The following SFSWAP variants were observed in gnomAD, a reference collection of about 807,000 sequenced individuals.
SFSWAP encodes splicing factor, suppressor of white-apricot homolog.
Under a neutral mutation model 100.7 loss-of-function variants are expected in SFSWAP, and 17 were observed. The ratio of observed to expected loss-of-function variants is 0.17; its 90% CI spans 0.12 to 0.25. The LOEUF (loss-of-function observed/expected upper bound fraction) is 0.25. Ranked by LOEUF, SFSWAP falls within the 10% of genes least tolerant of loss-of-function variation. The pLI, the probability that SFSWAP is intolerant of heterozygous loss-of-function variation, is 1.00. For synonymous variants in SFSWAP, 504 were observed against 510.1 expected (o/e 0.99, Z 0.16); for missense variants, 1,005 against 1,262.6 (o/e 0.80, Z 3.09).
chr12:131,714,730 A>G lies in SFSWAP; in HGVS notation c.389-92A>G, dbSNP rs1162920917. On this transcript the variant is annotated intron_variant, in intron 2 of 17. Coordinates refer to ENST00000261674, the MANE Select transcript of SFSWAP (RefSeq NM_004592.4). The surrounding 1 kb of genome is among the most constrained non-coding windows in gnomAD (Gnocchi z 6.0). ...AAGTAGGTTGAAAAAAGTATGTTGT[A>G]TGCTTTACTGATAGCTACAACTTTA... is the stretch of plus-strand genomic sequence containing the variant. 4.2e-6 allele frequency: 5 copies of G among 1,181,442 alleles called. No homozygotes were observed. The highest frequency in any genetic ancestry group is 4.9e-6 in the Non-Finnish European group (4 of 819,456). 73.2% of individuals were successfully genotyped at this position (1,181,442 alleles called of 1,614,324 possible).
chr12:131,754,624 TG>T, intron 9 of SFSWAP, 125 bp downstream of exon 9: 4 of 355,364 alleles, frequency 1.1e-5, no homozygotes, highest in East Asian at 7.1e-5. Flanking sequence ...TTGGCTCAAA[TG>T]TCTTTTTTTT....
Position 131,730,086 on chromosome 12 carries a change from GTTCAA to G in SFSWAP, c.1081+1660_1081+1664del. On this transcript the variant is annotated intron_variant, in intron 7 of 17. Transcript: ENST00000261674. The surrounding 1 kb of genome is among the most constrained non-coding windows in gnomAD (Gnocchi z 4.0). ...CAGCTCTACTGCTACAGAGGTGCGT[GTTCAA>G]TAGTGTAGGCAGCCAGCTGTCTGAG... 6.6e-6 allele frequency among the ~76,000 whole-genome samples: 1 copy of G among 152,318 alleles called. No individual in the cohort carries two copies. The highest frequency in any genetic ancestry group is 2.1e-4 in the South Asian group (1 of 4,822).
At position 131,799,115 on chromosome 12, in the gene SFSWAP, T is replaced by C; in HGVS notation, c.2790+6T>C. On this transcript the variant is annotated splice_donor_region_variant and intron_variant, in intron 17 of 17. Coordinates refer to ENST00000261674, the MANE Select transcript of SFSWAP (RefSeq NM_004592.4). The stretch of plus-strand genomic sequence containing the variant: ...TGCAGAGCAAAATCACTCAGGTCAG[T>C]GGGCACGCCCCCCTCCCGCTCCCAG... The C allele has an allele frequency of 6.2e-7, 1 of 1,611,090 alleles. No individual in the cohort carries two copies. The highest frequency in any genetic ancestry group is 8.5e-7 in the Non-Finnish European group (1 of 1,177,166).
chr12:131,730,873 C>T lies in SFSWAP; in HGVS notation c.1081+2445C>T, dbSNP rs1879436220. Reference sequence around the variant, plus strand: ...TTTGAAACTCATCGTCTCCCCTCGACACAGCAAGAGTAGTGGATACACACA... The same window carrying T: ...TTTGAAACTCATCGTCTCCCCTCGATACAGCAAGAGTAGTGGATACACACA... On this transcript the variant is annotated intron_variant, in intron 7 of 17. Transcript: ENST00000261674. The surrounding 1 kb of genome is among the most constrained non-coding windows in gnomAD (Gnocchi z 4.0). 6.6e-6 allele frequency among the ~76,000 whole-genome samples: 1 copy of T among 152,182 alleles called. No individual in the cohort carries two copies. Among genetic ancestry groups the T allele is most frequent in the African/African-American group, 2.4e-5 (1 of 41,458 alleles).
rs572957769 is a variant in SFSWAP at position 131,794,844 on chromosome 12, C to T, written c.2535-2334C>T. ...TTTAAAAAAAAATGAATGAGTTGCT[C>T]CATTCCTTCAGCAAGGGCTTAGATC... On this transcript the variant is annotated intron_variant, in intron 15 of 17. Transcript: ENST00000261674. The surrounding 1 kb of genome is among the most constrained non-coding windows in gnomAD (Gnocchi z 4.8). 6.6e-6 allele frequency among the ~76,000 whole-genome samples: 1 copy of T among 152,184 alleles called. No homozygotes were observed. The highest frequency in any genetic ancestry group is 2.4e-5 in the African/African-American group (1 of 41,450).
chr12:131,762,411 A>C (rs900727788), intron 11 of SFSWAP, among the ~76,000 whole-genome samples: 1 of 151,956 alleles, frequency 6.6e-6, no homozygotes, highest in Non-Finnish European at 1.5e-5. Flanking sequence ...ACCCTTTCTC[A>C]AAAAAAATAA....
intron 11 of SFSWAP, 144 bp from the exon 12 acceptor site, chr12:131,764,312 G>A (rs886423834): frequency 1.4e-5 from 9 of 657,372 alleles, no homozygotes; most frequent in South Asian, 7.4e-5. Context: ...CTGACGGCAC[G>A]GCGTCCCCCA....
intron 4 of SFSWAP, among the ~76,000 whole-genome samples, chr12:131,721,968 G>C (rs1307659142): frequency 6.6e-6 from 1 of 152,178 alleles, no homozygotes. Flanking sequence ...GTAATTCATT[G>C]TGTAAATTAT....
chr12:131,771,685 C>T (rs1475299338), intron 13 of SFSWAP, among the ~76,000 whole-genome samples: 6 of 139,702 alleles, frequency 4.3e-5, no homozygotes, highest in African/African-American at 8.4e-5. Flanking sequence ...GACGGAGTCT[C>T]GCTCTGTCTC....
chr12:131,737,352 C>T (rs1428245990), intron 7 of SFSWAP, among the ~76,000 whole-genome samples: 1 of 152,182 alleles, frequency 6.6e-6, no homozygotes, highest in African/African-American at 2.4e-5. Context: ...ACTGGAAGGA[C>T]GAGGTCGCAG....
chr12:131,781,514 G>A (rs1348014332), intron 14 of SFSWAP, among the ~76,000 whole-genome samples: 2 of 152,206 alleles, frequency 1.3e-5, no homozygotes, highest in East Asian at 3.9e-4. Flanking sequence ...TGGGATTACA[G>A]GCGTGAGCCA....
intron 7 of SFSWAP, among the ~76,000 whole-genome samples, chr12:131,741,633 G>A (rs1880641077): frequency 6.8e-6 from 1 of 146,310 alleles, no homozygotes; most frequent in Non-Finnish European, 1.5e-5. Flanking sequence ...GCAACACAGC[G>A]AGACTCTGTC....
At chr12:131,767,657 A>G (rs1370800323) in intron 13 of SFSWAP, among the ~76,000 whole-genome samples, 2 of 152,254 alleles carry the variant, frequency 1.3e-5, no homozygotes, top group African/African-American at 2.4e-5. Context: ...TGTTATTTCA[A>G]GAACACTTAA....
chr12:131,714,158 G>T lies in SFSWAP; in HGVS notation c.306G>T (p.Glu102Asp). The T allele has an allele frequency of 6.2e-7, 1 of 1,614,086 alleles. No individual in the cohort carries two copies. ...ACAGAGATTATCAGCTGTCTGAAGA[G>T]GAGGCGCGAATAGAGGCCCTGTGTG... is the stretch of plus-strand genomic sequence containing the variant. Reference protein sequence around the residue: ...TWNRDYQLSEEEARIEALCDE... With the variant: ...TWNRDYQLSEDEARIEALCDE... The change falls in exon 2 of 18, where the codon GAG becomes GAT. Residue 102 changes from glutamate (E) to aspartate (D), a missense_variant. Physicochemically the swap from Glu to Asp is conservative, Grantham distance 45. Coordinates refer to ENST00000261674, the MANE Select transcript of SFSWAP (RefSeq NM_004592.4). This position sits in a 1 kb window ranked among gnomAD's most constrained non-coding sequence, Gnocchi z 6.0.
chr12:131,778,469 C>A lies in SFSWAP; in HGVS notation c.2408+139C>A. 1 of 1,284,458 alleles carries A rather than the reference C, an allele frequency of 7.8e-7. No individual in the cohort carries two copies. Among genetic ancestry groups the A allele is most frequent in the Non-Finnish European group, 1.1e-6 (1 of 944,784 alleles). The allele number at this position is 1,284,458 out of a possible 1,614,324, so 79.6% of individuals were successfully genotyped here. On this transcript the variant is annotated intron_variant, in intron 14 of 17. Transcript: ENST00000261674. The surrounding 1 kb of genome is among the most constrained non-coding windows in gnomAD (Gnocchi z 4.2). ...ACGCGTGTATGCATGTGCATGTGTG[C>A]CCTGCAAGTCCAAGTAAGATCTTTT...
chr12:131,727,079 T>C (rs1215825253), intron 6 of SFSWAP, 27 bp downstream of exon 6: 1 of 1,329,092 alleles, frequency 7.5e-7, no homozygotes, highest in African/African-American at 1.5e-5. Context: ...TGAACTATAT[T>C]TTTATGCCAC....
At chr12:131,741,089 A>G (rs2136208202) in intron 7 of SFSWAP, among the ~76,000 whole-genome samples, 1 of 141,948 alleles carries the variant, frequency 7.0e-6, no homozygotes, top group South Asian at 2.2e-4. Context: ...TCTCTGCCTC[A>G]GCCTCTCGAG....
chr12:131,775,983 T>TC (rs1261315176), intron 13 of SFSWAP, among the ~76,000 whole-genome samples: 1 of 150,548 alleles, frequency 6.6e-6, no homozygotes, highest in Non-Finnish European at 1.5e-5. Flanking sequence ...ATGCCTGTAA[T>TC]CCCAGCTACT....
At chr12:131,780,424 G>A (rs891979136) in intron 14 of SFSWAP, among the ~76,000 whole-genome samples, 2 of 152,234 alleles carry the variant, frequency 1.3e-5, no homozygotes, top group African/African-American at 4.8e-5. Context: ...GCCAAGATGA[G>A]AGGATCACTT....
Sources: gnomAD v4.1 joint callset for allele counts (sites outside exome capture counted in the v4.1 genomes callset) on GRCh38, gnomAD v4.1.1 for gene constraint, Gnocchi (gnomAD v3.1) non-coding constraint, MANE v1.5 for transcripts, NCBI Gene and HGNC (gene_info 2026-07-23, HGNC 2026-07-21) for gene names.